The following PALM2AKAP2 variants were observed in gnomAD, a reference collection of about 807,000 sequenced individuals.
The protein encoded by PALM2AKAP2 is PALM2-AKAP2 fusion protein.
In PALM2AKAP2, 37 loss-of-function variants were observed where a neutral mutation model predicts 71.5. The ratio of observed to expected loss-of-function variants is 0.52; its 90% CI spans 0.40 to 0.68. PALM2AKAP2 has a LOEUF of 0.68. PALM2AKAP2 is among the 30% of genes least tolerant of loss of function. The probability of loss-of-function intolerance (pLI) is 0.00; values close to 1 mark genes in which losing one functional copy is unlikely to be tolerated. For missense variants in PALM2AKAP2, 1,224 were observed against 1,191.8 expected, an observed-to-expected ratio of 1.03 and a Z score of -0.40; for synonymous variants, 468 against 478.8, an observed-to-expected ratio of 0.98 and a Z score of 0.29.
chr9:110,152,544 T>C (rs1836346789), intron 2 of PALM2AKAP2, among the ~76,000 whole-genome samples: 1 of 151,910 alleles, frequency 6.6e-6, no homozygotes, highest in African/African-American at 2.4e-5. Context: ...CCTTATGGGG[T>C]CATGAAAAAG....
chr9:109,970,048 G>T (rs754830065), intron 6 of PALM2AKAP2, among the ~76,000 whole-genome samples: 1 of 152,152 alleles, frequency 6.6e-6, no homozygotes, highest in African/African-American at 2.4e-5. Flanking sequence ...CTTGCCTTTA[G>T]GGTCCCTCTG....
At chr9:110,109,602 C>T (rs1564310055) in intron 1 of PALM2AKAP2, among the ~76,000 whole-genome samples, 1 of 152,120 alleles carries the variant, frequency 6.6e-6, no homozygotes, top group Non-Finnish European at 1.5e-5. Flanking sequence ...TCTAGAACTA[C>T]GTGCAAGGGG....
intron 3 of PALM2AKAP2, among the ~76,000 whole-genome samples, chr9:109,918,077 T>G (rs1244733729): frequency 6.6e-6 from 1 of 152,200 alleles, no homozygotes; most frequent in Admixed American, 6.5e-5. Flanking sequence ...TATTGCTATT[T>G]TTGGTTTGTA....
At chr9:110,006,251 GCCTT>G (rs1003446866) in intron 6 of PALM2AKAP2, among the ~76,000 whole-genome samples, 4 of 148,790 alleles carry the variant, frequency 2.7e-5, no homozygotes, top group African/African-American at 5.0e-5. Context: ...TCGCCTGCCT[GCCTT>G]CCTTCCTTCC....
chr9:109,780,479 C>A, exon 1 of PALM2AKAP2: 6 of 1,613,444 alleles, frequency 3.7e-6, no homozygotes, highest in Non-Finnish European at 5.1e-6. Flanking sequence ...CCTGTGTGCC[C>A]TTCTCCAGGA....
intron 1 of PALM2AKAP2, among the ~76,000 whole-genome samples, chr9:110,134,776 T>C (rs1835810330): frequency 6.6e-6 from 1 of 152,132 alleles, no homozygotes; most frequent in Non-Finnish European, 1.5e-5. Flanking sequence ...TTACACTCTC[T>C]TGCAATTTTG....
chr9:109,675,121 G>A (rs1304133527), intron 1 of PALM2AKAP2, among the ~76,000 whole-genome samples: 1 of 152,070 alleles, frequency 6.6e-6, no homozygotes, highest in South Asian at 2.1e-4. Flanking sequence ...GAGAGGTTAG[G>A]TGTATTAAGT....
chr9:109,736,506 G>A (rs62578070), intron 1 of PALM2AKAP2, among the ~76,000 whole-genome samples: 31,061 of 151,974 alleles, frequency 0.2, 3,563 homozygotes, highest in East Asian at 0.37. Flanking sequence ...TTAGTAGAAG[G>A]CCTTGACGTA....
exon 2 of PALM2AKAP2, chr9:110,137,662 G>A (rs1010909440): frequency 8.1e-6 from 13 of 1,613,890 alleles, no homozygotes; most frequent in Non-Finnish European, 8.5e-6. Context: ...ACTCTGGTCT[G>A]GACGAATTGT....
chr9:109,872,257 TAA>T (rs1793422210), intron 2 of PALM2AKAP2, among the ~76,000 whole-genome samples: 2 of 152,194 alleles, frequency 1.3e-5, no homozygotes, highest in East Asian at 3.8e-4. Flanking sequence ...ATTGTTTTTA[TAA>T]TGAGACTTGT....
chr9:109,899,645 C>A (rs1476967546), intron 3 of PALM2AKAP2, among the ~76,000 whole-genome samples: 5 of 152,198 alleles, frequency 3.3e-5, no homozygotes, highest in Non-Finnish European at 2.9e-5. Flanking sequence ...CCTCTTACTT[C>A]TCTGGCCTTG....
chr9:110,072,705 A>G (rs1291897931), intron 1 of PALM2AKAP2, among the ~76,000 whole-genome samples: 1 of 152,128 alleles, frequency 6.6e-6, no homozygotes, highest in African/African-American at 2.4e-5. Context: ...CTGGAGCCAC[A>G]ATCTGTCCTC....
chr9:110,048,976 GC>G (rs1833656599), intron 1 of PALM2AKAP2: 1 of 1,286,952 alleles, frequency 7.8e-7, no homozygotes, highest in African/African-American at 1.6e-5. Context: ...AGCACCGCGG[GC>G]TTTTAAAGGG....
chr9:110,056,162 G>T (rs1291214116), intron 1 of PALM2AKAP2, among the ~76,000 whole-genome samples: 1 of 152,206 alleles, frequency 6.6e-6, no homozygotes, highest in Middle Eastern at 3.2e-3. Context: ...CTCCCACCTG[G>T]TGAGGTGTGT....
chr9:109,683,166 C>A (rs1827761403), intron 1 of PALM2AKAP2, among the ~76,000 whole-genome samples: 1 of 152,164 alleles, frequency 6.6e-6, no homozygotes, highest in South Asian at 2.1e-4. Flanking sequence ...CCTGAGGCCT[C>A]CCCAGAAGCC....
intron 3 of PALM2AKAP2, among the ~76,000 whole-genome samples, chr9:109,895,449 C>G (rs1052443187): frequency 6.6e-6 from 1 of 152,200 alleles, no homozygotes; most frequent in African/African-American, 2.4e-5. Flanking sequence ...TGCTCTCTCT[C>G]GGGACATCCT....
chr9:109,763,940 T>C lies in PALM2AKAP2; in HGVS notation c.6-16548T>C, dbSNP rs533633423. Among the ~76,000 whole-genome samples, 22 of 152,286 alleles carry C rather than the reference T, an allele frequency of 1.4e-4. No individual in the cohort carries two copies. The South Asian group carries it at 4.1e-3, about 29-fold the overall frequency. ...TTTAGGTCCCACCTTAAATTCAGGA[T>C]GATTTATCTCAATATCCTTAACTAA... On this transcript the variant is annotated intron_variant, in intron 1 of 6. Transcript: ENST00000374531.
chr9:110,035,503 GAT>G (rs994152038), intron 7 of PALM2AKAP2, among the ~76,000 whole-genome samples: 2 of 131,378 alleles, frequency 1.5e-5, no homozygotes, highest in Non-Finnish European at 3.0e-5. Flanking sequence ...ACATATATAT[GAT>G]ATGTTGTGTG....
intron 1 of PALM2AKAP2, among the ~76,000 whole-genome samples, chr9:109,823,599 A>G (rs1463209571): frequency 1.3e-5 from 2 of 152,268 alleles, no homozygotes; most frequent in East Asian, 3.9e-4. Flanking sequence ...TTGTGGCTGG[A>G]GATACAGAAG....
Sources: allele counts gnomAD v4.1 joint callset (sites outside exome capture counted in the v4.1 genomes callset), GRCh38; gene constraint gnomAD v4.1.1; transcripts MANE v1.5; gene names NCBI Gene and HGNC (gene_info 2026-07-23, HGNC 2026-07-21).